Variants in NSUN2 observed in about 807,000 individuals in gnomAD.
NSUN2 encodes NOP2/Sun RNA methyltransferase 2.
In NSUN2, 63 loss-of-function variants were observed where a neutral mutation model predicts 92.7. That is an observed-to-expected ratio of 0.68 (90% confidence interval 0.56 to 0.84). NSUN2 has a LOEUF of 0.84. Among genes scored for constraint, NSUN2 ranks in the 40% least tolerant of loss-of-function variants. The pLI, the probability that NSUN2 is intolerant of heterozygous loss-of-function variation, is 0.00. For synonymous variants in NSUN2, 356 were observed against 348.3 expected (o/e 1.02, Z -0.25); for missense variants, 989 against 964.9 (o/e 1.02, Z -0.33).
At chr5:6,605,035 C>A (rs998128289) in intron 15 of NSUN2, 14 of 611,154 alleles carry the variant, frequency 2.3e-5, no homozygotes, top group South Asian at 4.1e-5. Flanking sequence ...GGCTCACCCC[C>A]CTGCGGGAAT....
At chr5:6,613,907 G>T (rs1476939437) in intron 9 of NSUN2, among the ~76,000 whole-genome samples, 1 of 151,984 alleles carries the variant, frequency 6.6e-6, no homozygotes, top group South Asian at 2.1e-4. Context: ...GACCAGCCTG[G>T]CCAACATGGT....
chr5:6,611,199 C>A, intron 10 of NSUN2, 114 bp from the exon 11 acceptor site: 2 of 1,143,188 alleles, frequency 1.7e-6, no homozygotes, highest in Non-Finnish European at 1.2e-6. Context: ...CTCATTCACT[C>A]CAAAGATAGG....
At position 6,611,719 on chromosome 5, in the gene NSUN2, G is replaced by C; in HGVS notation, c.1095+6C>G. On this transcript the variant is annotated splice_donor_region_variant and intron_variant, in intron 10 of 18. Transcript: ENST00000264670. ...TTTAGAATGAAAGTTCTCGAGGAAA[G>C]GTTACCTTCCACTGTGTGATTCCAG... The C allele has an allele frequency of 7.4e-6, 12 of 1,613,678 alleles. No homozygotes were observed. The highest frequency in any genetic ancestry group is 1.0e-5 in the Non-Finnish European group (12 of 1,179,600).
At chr5:6,610,926 C>T (rs779400560) in intron 11 of NSUN2, 29 bp downstream of exon 11, 4 of 1,612,798 alleles carry the variant, frequency 2.5e-6, no homozygotes, top group South Asian at 2.2e-5. Flanking sequence ...CTTCCCCCCT[C>T]CCCACACCTG....
intron 12 of NSUN2, among the ~76,000 whole-genome samples, chr5:6,608,867 A>G (rs1736881765): frequency 6.6e-6 from 1 of 152,250 alleles, no homozygotes; most frequent in Non-Finnish European, 1.5e-5. Flanking sequence ...ATACTTTACA[A>G]TATAATTTCT....
chr5:6,625,563 C>A lies in NSUN2; in HGVS notation c.465+1G>T. ...TAGCAAGTCTAAAGAAATCAACTTACAGATTCTGTTTCACTAACTAGAAAC... is the reference window on the plus strand; with the variant it reads ...TAGCAAGTCTAAAGAAATCAACTTAAAGATTCTGTTTCACTAACTAGAAAC... On this transcript the variant is annotated splice_donor_variant, in intron 4 of 18. Transcript: ENST00000264670. LOFTEE classifies it high-confidence loss of function. The A allele has an allele frequency of 2.5e-6, 4 of 1,606,146 alleles. No individual in the cohort carries two copies. Among genetic ancestry groups the A allele is most frequent in the Non-Finnish European group, 3.4e-6 (4 of 1,172,782 alleles).
At chr5:6,600,519 A>G (rs140653798) in intron 18 of NSUN2, among the ~76,000 whole-genome samples, 126 of 152,168 alleles carry the variant, frequency 8.3e-4, no homozygotes, top group African/African-American at 2.9e-3. Context: ...CACTTTCTAC[A>G]TACTTCCTTC....
chr5:6,617,656 G>A (rs987866199), intron 8 of NSUN2, among the ~76,000 whole-genome samples: 1 of 152,162 alleles, frequency 6.6e-6, no homozygotes. Flanking sequence ...GATTAGTAAT[G>A]CATACATCAA....
intron 15 of NSUN2, 158 bp from the exon 16 acceptor site, chr5:6,604,843 C>T (rs1579355212): frequency 1.5e-6 from 1 of 646,432 alleles, no homozygotes; most frequent in Middle Eastern, 2.7e-4. Flanking sequence ...CTGATACTCA[C>T]AACTTGTGAT....
intron 8 of NSUN2, 82 bp from the exon 9 acceptor site, chr5:6,616,939 T>A (rs537753026): frequency 1.6e-6 from 2 of 1,256,840 alleles, no homozygotes; most frequent in East Asian, 5.0e-5. Flanking sequence ...ATGTCACATA[T>A]TCATTACAAG....
In NSUN2 at chr5:6,602,447, G is replaced by A. The variant is rs371923584; in HGVS notation, c.1997+14C>T. On this transcript the variant is annotated intron_variant, in intron 18 of 18. Transcript: ENST00000264670. ...AGGCGTGTGTGTCTAAGGGCAGGGC[G>A]TGTACTGACTTACGCAGAATCTGGT... The A allele has an allele frequency of 5.1e-5, 82 of 1,612,600 alleles. No individual in the cohort carries two copies. The highest frequency in any genetic ancestry group is 2.3e-4 in the African/African-American group (17 of 74,604).
intron 9 of NSUN2, among the ~76,000 whole-genome samples, chr5:6,612,182 T>C (rs1737020371): frequency 1.3e-5 from 2 of 152,166 alleles, no homozygotes; most frequent in Admixed American, 1.3e-4. Flanking sequence ...GACAGGGCAT[T>C]GAGGAGTCCT....
In NSUN2 at chr5:6,599,909, C is replaced by T. The variant is rs201903423; in HGVS notation, c.*17G>A. ...TTTGCGTGTGAGGGGTGTGGGCCCC[C>T]GCTGCCTTGGGCCTGCTCACCGGGG... On this transcript the variant is annotated 3_prime_UTR_variant, in exon 19 of 19. Coordinates refer to ENST00000264670, the MANE Select transcript of NSUN2 (RefSeq NM_017755.6). 3.0e-4 allele frequency: 488 copies of T among 1,606,680 alleles called. 1 individual carries two copies. In the African/African-American group the frequency reaches 4.6e-3, roughly 15 times the overall value.
At chr5:6,616,925 C>T in intron 8 of NSUN2, 68 bp from the exon 9 acceptor site, 3 of 1,366,592 alleles carry the variant, frequency 2.2e-6, no homozygotes, top group Non-Finnish European at 3.0e-6. Flanking sequence ...AGAAGCACCT[C>T]CTTATGTCAC....
At chr5:6,600,960 A>T (rs1408377750) in intron 18 of NSUN2, among the ~76,000 whole-genome samples, 2 of 152,154 alleles carry the variant, frequency 1.3e-5, no homozygotes, top group Non-Finnish European at 2.9e-5. Context: ...ACGCCCCAGC[A>T]GAGATGGACG....
At position 6,609,896 on chromosome 5, in the gene NSUN2, TTC is replaced by T. The variant is rs1294045208; in HGVS notation, c.1251_1252del (p.Asn418TyrfsTer19). 6.2e-7 allele frequency: 1 copy of T among 1,613,402 alleles called. No individual in the cohort carries two copies. The highest frequency in any genetic ancestry group is 1.1e-5 in the South Asian group (1 of 91,030). On this transcript the variant is annotated frameshift_variant, in exon 12 of 19. Coordinates refer to ENST00000264670, the MANE Select transcript of NSUN2 (RefSeq NM_017755.6). LOFTEE classifies it high-confidence loss of function. ...TACTGCCACAAAAAACCCTCCAGTATTCTGATGATGGGGTAATATCCTAAGGC... is the reference window on the plus strand; with the variant it reads ...TACTGCCACAAAAAACCCTCCAGTATTGATGATGGGGTAATATCCTAAGGC...
At chr5:6,614,387 G>A (rs1223400335) in intron 9 of NSUN2, among the ~76,000 whole-genome samples, 1 of 152,058 alleles carries the variant, frequency 6.6e-6, no homozygotes, top group Admixed American at 6.6e-5. Flanking sequence ...CTGATCACCA[G>A]CATTCCCGTT....
At position 6,631,995 on chromosome 5, in the gene NSUN2, A is replaced by G. The variant is rs1463168120; in HGVS notation, c.255-18T>C. ...TTGCGTGGCTATTGAAAAATAAGGAAGTTTCAAACTGATCTAAAAAACTAA... is the reference window on the plus strand; with the variant it reads ...TTGCGTGGCTATTGAAAAATAAGGAGGTTTCAAACTGATCTAAAAAACTAA... On this transcript the variant is annotated intron_variant, in intron 2 of 18. Coordinates refer to ENST00000264670, the MANE Select transcript of NSUN2 (RefSeq NM_017755.6). The G allele has an allele frequency of 1.3e-6, 2 of 1,561,090 alleles. No individual in the cohort carries two copies. Among genetic ancestry groups the G allele is most frequent in the African/African-American group, 2.7e-5 (2 of 73,342 alleles).
At chr5:6,623,051 A>G (rs996533468) in intron 5 of NSUN2, among the ~76,000 whole-genome samples, 163 bp downstream of exon 5, 2 of 151,222 alleles carry the variant, frequency 1.3e-5, no homozygotes, top group Non-Finnish European at 2.9e-5. Context: ...AAAGAAAAAA[A>G]AAAAAAAAAG....
Sources: allele counts gnomAD v4.1 joint callset (sites outside exome capture counted in the v4.1 genomes callset), GRCh38; gene constraint gnomAD v4.1.1; transcripts MANE v1.5; gene names NCBI Gene and HGNC (gene_info 2026-07-23, HGNC 2026-07-21).